FBXL20: variants seen among roughly 807,000 people sequenced by gnomAD.
FBXL20 encodes F-box/LRR-repeat protein 20.
Under a neutral mutation model 64.0 loss-of-function variants are expected in FBXL20, and 11 were observed. The ratio of observed to expected loss-of-function variants is 0.17; its 90% CI spans 0.11 to 0.28. The LOEUF is 0.28. FBXL20 is among the 10% of genes least tolerant of loss of function. The probability of loss-of-function intolerance (pLI) is 1.00; values close to 1 mark genes in which losing one functional copy is unlikely to be tolerated. For synonymous variants in FBXL20, 184 were observed against 189.0 expected, an observed-to-expected ratio of 0.97 and a Z score of 0.22; for missense variants, 303 against 526.2, an observed-to-expected ratio of 0.58 and a Z score of 4.15.
At position 39,257,922 on chromosome 17, in the gene FBXL20, T is replaced by C. The variant is rs141295005; in HGVS notation, c.*3538A>G. 1.6e-4 allele frequency: 24 copies of C among 152,974 alleles called. No homozygotes were observed. The highest frequency in any genetic ancestry group is 7.7e-4 in the East Asian group (4 of 5,188). 9.5% of individuals were successfully genotyped at this position (152,974 alleles called of 1,614,324 possible). A position where few individuals can be genotyped will look rare whatever the true frequency, so the allele number is the denominator to read the frequency against. Reference sequence around the variant, plus strand: ...GGCTGATGAAGAGGATGAAAAGACATTGATGTAGCAAATGATGCTGGAAGA... The same window carrying C: ...GGCTGATGAAGAGGATGAAAAGACACTGATGTAGCAAATGATGCTGGAAGA... On this transcript the variant is annotated 3_prime_UTR_variant, in exon 15 of 15. Transcript: ENST00000264658.
At chr17:39,352,682 GAA>G (rs11373643) in intron 1 of FBXL20, among the ~76,000 whole-genome samples, 1 of 122,722 alleles carries the variant, frequency 8.1e-6, no homozygotes, top group Non-Finnish European at 1.7e-5. Context: ...CTCTGTCTGG[GAA>G]AAAAAAAAAA....
intron 11 of FBXL20, among the ~76,000 whole-genome samples, chr17:39,269,810 T>C (rs976076243): frequency 9.2e-5 from 14 of 152,304 alleles, no homozygotes; most frequent in African/African-American, 3.4e-4. Flanking sequence ...TTGTATTTCT[T>C]ACAGAGATGA....
intron 2 of FBXL20, among the ~76,000 whole-genome samples, chr17:39,305,677 C>A (rs2047175069): frequency 6.6e-6 from 1 of 152,114 alleles, no homozygotes. Flanking sequence ...CAGTGAGACC[C>A]TGTCTCTACA....
At chr17:39,291,279 G>T (rs1292224931) in intron 6 of FBXL20, among the ~76,000 whole-genome samples, 1 of 151,242 alleles carries the variant, frequency 6.6e-6, no homozygotes, top group Non-Finnish European at 1.5e-5. Flanking sequence ...TTATTTCATG[G>T]ATTTCCAGTA....
At chr17:39,287,571 T>A (rs571890704) in intron 6 of FBXL20, among the ~76,000 whole-genome samples, 73 of 152,158 alleles carry the variant, frequency 4.8e-4, no homozygotes, top group African/African-American at 1.7e-3. Context: ...CACACCTAAT[T>A]AAAAAAATTT....
chr17:39,284,378 C>G (rs2046971743), intron 7 of FBXL20, among the ~76,000 whole-genome samples: 1 of 152,136 alleles, frequency 6.6e-6, no homozygotes, highest in South Asian at 2.1e-4. Context: ...CTCTACTTAA[C>G]TAAATTTGTA....
chr17:39,324,770 T>C (rs774614614), intron 2 of FBXL20, among the ~76,000 whole-genome samples: 11 of 152,320 alleles, frequency 7.2e-5, no homozygotes, highest in East Asian at 1.9e-4. Flanking sequence ...CAACAGTGCA[T>C]TGCAGCAAGG....
chr17:39,382,830 C>T (rs963301890), intron 1 of FBXL20, among the ~76,000 whole-genome samples: 9 of 151,840 alleles, frequency 5.9e-5, no homozygotes, highest in African/African-American at 2.2e-4. Context: ...GAGAGTGAGA[C>T]GTTGTCTCTA....
intron 1 of FBXL20, among the ~76,000 whole-genome samples, chr17:39,350,059 TAATC>T (rs2047673072): frequency 6.6e-6 from 1 of 152,126 alleles, no homozygotes; most frequent in South Asian, 2.1e-4. Flanking sequence ...AAGTAAAACT[TAATC>T]ATTTTAATTT....
intron 2 of FBXL20, among the ~76,000 whole-genome samples, chr17:39,308,459 T>C (rs116552568): frequency 0.011 from 1,617 of 151,626 alleles, 28 homozygotes; most frequent in African/African-American, 0.038. Flanking sequence ...CACCCCACTA[T>C]GCTTTGGCCT....
intron 1 of FBXL20, among the ~76,000 whole-genome samples, chr17:39,346,344 A>T (rs933450366): frequency 6.6e-6 from 1 of 151,956 alleles, no homozygotes; most frequent in Non-Finnish European, 1.5e-5. Flanking sequence ...CTGTCTCAAA[A>T]AAAAAAGATA....
intron 1 of FBXL20, among the ~76,000 whole-genome samples, chr17:39,348,236 G>C (rs2047653364): frequency 6.6e-6 from 1 of 152,106 alleles, no homozygotes; most frequent in Non-Finnish European, 1.5e-5. Flanking sequence ...TCCAAGGTGG[G>C]TGGATCACGA....
intron 7 of FBXL20, among the ~76,000 whole-genome samples, chr17:39,284,950 T>A (rs1041756725): frequency 5.2e-3 from 3 of 574 alleles, no homozygotes; most frequent in African/African-American, 0.035. Flanking sequence ...TTTTTTTTGT[T>A]TTTTTTGAGA....
Position 39,261,554 on chromosome 17 carries a change from T to G in FBXL20, c.1217A>C (p.Asn406Thr), listed in dbSNP as rs759678062. The change falls in exon 15 of 15, where the codon AAT becomes ACT. Residue 406 changes from asparagine to threonine, a missense_variant. Physicochemically the swap from Asn to Thr is moderately conservative, Grantham distance 65. Transcript: ENST00000264658. ...TGCGAAGTAGGCGTGGACTTTAATATTGGGTAAATGGGTCTGAAACAAGAC... is the reference window on the plus strand; with the variant it reads ...TGCGAAGTAGGCGTGGACTTTAATAGTGGGTAAATGGGTCTGAAACAAGAC... The part of the protein sequence containing the change: ...GIKRLRTHLP[N>T]IKVHAYFAPV... 5 of 1,612,886 alleles carry G rather than the reference T, an allele frequency of 3.1e-6. No homozygotes were observed. The highest frequency in any genetic ancestry group is 1.7e-4 in the Middle Eastern group (1 of 6,050).
chr17:39,363,636 C>A (rs1249402359), intron 1 of FBXL20, among the ~76,000 whole-genome samples: 1 of 151,398 alleles, frequency 6.6e-6, no homozygotes, highest in Non-Finnish European at 1.5e-5. Flanking sequence ...ATGATGAGGC[C>A]CCTCCTCTAG....
At chr17:39,344,297 G>T (rs912375128) in intron 1 of FBXL20, among the ~76,000 whole-genome samples, 1 of 150,734 alleles carries the variant, frequency 6.6e-6, no homozygotes, top group Non-Finnish European at 1.5e-5. Flanking sequence ...GTTGCAGTGA[G>T]CTGAGATCAC....
chr17:39,398,228 C>T (rs530939907), intron 1 of FBXL20, among the ~76,000 whole-genome samples: 73 of 151,998 alleles, frequency 4.8e-4, no homozygotes, highest in South Asian at 1.9e-3. Context: ...TGCAGTGAGC[C>T]GAGATCGCAC....
intron 9 of FBXL20, among the ~76,000 whole-genome samples, chr17:39,278,072 GTGTGTATGTAA>G (rs141597198): frequency 0.011 from 1,626 of 152,312 alleles, 26 homozygotes; most frequent in African/African-American, 0.037. Flanking sequence ...GTCTATATGT[GTGTGTATGTAA>G]TGTGTATGTA....
intron 1 of FBXL20, among the ~76,000 whole-genome samples, chr17:39,345,551 T>C (rs2047624597): frequency 1.2e-5 from 1 of 80,908 alleles, no homozygotes; most frequent in Non-Finnish European, 2.1e-5. Flanking sequence ...ATTTTAATAA[T>C]TTTTTTTTTG....
Sources: gnomAD v4.1 joint callset for allele counts (sites outside exome capture counted in the v4.1 genomes callset) on GRCh38, gnomAD v4.1.1 for gene constraint, MANE v1.5 for transcripts, NCBI Gene and HGNC (gene_info 2026-07-23, HGNC 2026-07-21) for gene names.